SGCD: variants seen among roughly 807,000 people sequenced by gnomAD.
SGCD encodes sarcoglycan delta.
In SGCD, 18 loss-of-function variants were observed where a neutral mutation model predicts 36.6. The ratio of observed to expected loss-of-function variants is 0.49; its 90% CI spans 0.34 to 0.73. SGCD has a LOEUF of 0.73. Among genes scored for constraint, SGCD ranks in the 30% least tolerant of loss-of-function variants. The pLI is 0.01. For missense variants in SGCD, 387 were observed against 346.7 expected, an observed-to-expected ratio of 1.12 and a Z score of -0.92; for synonymous variants, 133 against 130.6, an observed-to-expected ratio of 1.02 and a Z score of -0.12.
intron 1 of SGCD, among the ~76,000 whole-genome samples, chr5:156,034,967 A>G (rs942958351): frequency 6.6e-6 from 1 of 152,164 alleles, no homozygotes; most frequent in African/African-American, 2.4e-5. Context: ...CTTTTTGTGA[A>G]CACCTTCTAA....
intron 4 of SGCD, among the ~76,000 whole-genome samples, chr5:156,571,695 G>A (rs1759730602): frequency 6.6e-6 from 1 of 152,212 alleles, no homozygotes; most frequent in African/African-American, 2.4e-5. Flanking sequence ...CTTCATGGTA[G>A]TTAGTATTTC....
chr5:156,408,285 G>A (rs578005607), intron 3 of SGCD, among the ~76,000 whole-genome samples: 2 of 152,144 alleles, frequency 1.3e-5, no homozygotes, highest in East Asian at 1.9e-4. Flanking sequence ...TGTGCGTACA[G>A]GATGTGTAGT....
At chr5:156,019,307 T>A (rs544252298) in intron 1 of SGCD, among the ~76,000 whole-genome samples, 2 of 152,222 alleles carry the variant, frequency 1.3e-5, no homozygotes, top group Admixed American at 1.3e-4. Context: ...AGGCTTGGAC[T>A]CAGAACCTTG....
intron 3 of SGCD, among the ~76,000 whole-genome samples, chr5:156,246,296 A>T (rs1184147346): frequency 6.6e-6 from 1 of 152,240 alleles, no homozygotes; most frequent in African/African-American, 2.4e-5. Flanking sequence ...GTAGTTCCAT[A>T]AAATCAGCAC....
At chr5:156,101,925 TGTGTGTGTGTGTGTGTGA>T (rs1761527139) in intron 1 of SGCD, among the ~76,000 whole-genome samples, 1 of 149,870 alleles carries the variant, frequency 6.7e-6, no homozygotes, top group Non-Finnish European at 1.5e-5. Context: ...TGTGTGTGTG[TGTGTGTGTGTGTGTGTGA>T]GAGAGAGAGA....
chr5:156,166,351 C>T (rs1763212637), intron 3 of SGCD, among the ~76,000 whole-genome samples: 1 of 152,102 alleles, frequency 6.6e-6, no homozygotes, highest in African/African-American at 2.4e-5. Flanking sequence ...GAGTCTCGCT[C>T]TGTCACCCAG....
At chr5:156,415,141 G>A (rs1051639947) in intron 3 of SGCD, among the ~76,000 whole-genome samples, 1 of 151,972 alleles carries the variant, frequency 6.6e-6, no homozygotes, top group African/African-American at 2.4e-5. Flanking sequence ...TCTGTCTTTA[G>A]TTATACTCTA....
intron 3 of SGCD, among the ~76,000 whole-genome samples, chr5:156,380,751 G>T (rs1770931611): frequency 6.6e-6 from 1 of 152,152 alleles, no homozygotes; most frequent in Non-Finnish European, 1.5e-5. Flanking sequence ...AGATTTTTTT[G>T]TGTGAAGCAA....
At chr5:156,633,107 C>A (rs1176205191) in intron 6 of SGCD, among the ~76,000 whole-genome samples, 1 of 152,196 alleles carries the variant, frequency 6.6e-6, no homozygotes, top group African/African-American at 2.4e-5. Flanking sequence ...ATGGAGATTA[C>A]ACCTCTTGCA....
chr5:156,565,584 A>G (rs1471619293), intron 4 of SGCD, among the ~76,000 whole-genome samples: 1 of 152,156 alleles, frequency 6.6e-6, no homozygotes, highest in Non-Finnish European at 1.5e-5. Flanking sequence ...TCTGGGATAC[A>G]TGTACAGAAC....
intron 7 of SGCD, among the ~76,000 whole-genome samples, chr5:156,726,721 T>C (rs1755792378): frequency 6.6e-6 from 1 of 152,202 alleles, no homozygotes; most frequent in South Asian, 2.1e-4. Flanking sequence ...GCTCAGATTC[T>C]CCATCTCATT....
chr5:155,961,004 G>C (rs1460707941), intron 1 of SGCD, among the ~76,000 whole-genome samples: 2 of 152,206 alleles, frequency 1.3e-5, no homozygotes, highest in East Asian at 3.9e-4. Context: ...GTTTGGAAGA[G>C]AAGAGAAATA....
chr5:156,269,230 G>A (rs1766088020), intron 3 of SGCD, among the ~76,000 whole-genome samples: 1 of 151,888 alleles, frequency 6.6e-6, no homozygotes, highest in African/African-American at 2.4e-5. Context: ...AGCACTTTGG[G>A]AGTCCGAGAC....
chr5:156,165,844 A>G (rs1763199080), intron 3 of SGCD, among the ~76,000 whole-genome samples: 2 of 152,370 alleles, frequency 1.3e-5, no homozygotes, highest in South Asian at 2.1e-4. Flanking sequence ...AGTGATATAT[A>G]TTCTTCAGAA....
the SGCD span, among the ~76,000 whole-genome samples, chr5:155,770,585 A>G: frequency 3.3e-5 from 5 of 152,156 alleles, no homozygotes; most frequent in Non-Finnish European, 4.4e-5. Context: ...TTTTGATTTT[A>G]TTCTGAGGGC....
intron 1 of SGCD, among the ~76,000 whole-genome samples, chr5:155,937,053 C>A (rs920238256): frequency 6.6e-6 from 1 of 152,156 alleles, no homozygotes; most frequent in Admixed American, 6.5e-5. Context: ...TCCAAGCCTG[C>A]GGGGCCAGGG....
chr5:156,566,911 A>G (rs1053295543), intron 4 of SGCD, among the ~76,000 whole-genome samples: 9 of 152,180 alleles, frequency 5.9e-5, no homozygotes, highest in African/African-American at 1.9e-4. Context: ...GATACCTGAA[A>G]CCATCTTACA....
chr5:155,748,896 C>T, the SGCD span, among the ~76,000 whole-genome samples: 9 of 152,154 alleles, frequency 5.9e-5, no homozygotes, highest in African/African-American at 1.9e-4. Context: ...CAAACTGGTC[C>T]TCACAATGGC....
intron 3 of SGCD, among the ~76,000 whole-genome samples, chr5:156,457,039 T>G (rs1417863343): frequency 6.6e-6 from 1 of 152,222 alleles, no homozygotes; most frequent in Non-Finnish European, 1.5e-5. Flanking sequence ...AGTTGTAGCA[T>G]TCTTCAGTTA....
Sources: allele counts gnomAD v4.1 joint callset (sites outside exome capture counted in the v4.1 genomes callset), GRCh38; gene constraint gnomAD v4.1.1; transcripts MANE v1.5; gene names NCBI Gene and HGNC (gene_info 2026-07-23, HGNC 2026-07-21).